CSMD1: variants seen among roughly 807,000 people sequenced by gnomAD.
CSMD1 encodes CUB and sushi domain-containing protein 1.
A neutral mutation model predicts 417.5 loss-of-function variants in CSMD1; 213 were observed. That is an observed-to-expected ratio of 0.51 (90% CI 0.46 to 0.57). CSMD1 has a LOEUF of 0.57. Among genes scored for constraint, CSMD1 ranks in the 20% least tolerant of loss-of-function variants. The pLI is 0.00. For missense variants in CSMD1, 6,923 were observed against 4,529.7 expected (o/e 1.53, Z -15.17); for synonymous variants, 2,862 against 1,736.8 (o/e 1.65, Z -16.11).
intron 39 of CSMD1, among the ~76,000 whole-genome samples, chr8:3,154,551 G>A (rs889452018): frequency 6.6e-6 from 1 of 152,090 alleles, no homozygotes; most frequent in African/African-American, 2.4e-5. Flanking sequence ...TTTGGCGGGA[G>A]AAAGAATATA....
intron 3 of CSMD1, among the ~76,000 whole-genome samples, chr8:4,193,990 C>T (rs1186294512): frequency 2.6e-5 from 4 of 151,984 alleles, no homozygotes; most frequent in African/African-American, 7.3e-5. Flanking sequence ...TCTATGATTA[C>T]TATATATCCC....
intron 3 of CSMD1, among the ~76,000 whole-genome samples, chr8:4,136,411 A>G (rs764861912): frequency 6.6e-5 from 10 of 152,166 alleles, no homozygotes; most frequent in Non-Finnish European, 1.0e-4. Flanking sequence ...CTTGAAATAA[A>G]TAACATAAAA....
At chr8:3,647,230 C>A (rs1203250002) in intron 7 of CSMD1, among the ~76,000 whole-genome samples, 1 of 152,170 alleles carries the variant, frequency 6.6e-6, no homozygotes, top group Admixed American at 6.5e-5. Context: ...TGCTGTGAAA[C>A]TTCAGCAAGG....
At chr8:3,857,074 A>T (rs1476419865) in intron 5 of CSMD1, among the ~76,000 whole-genome samples, 3 of 152,170 alleles carry the variant, frequency 2.0e-5, no homozygotes, top group Non-Finnish European at 4.4e-5. Context: ...CTTCAGGAAA[A>T]AAAAAATTAA....
At chr8:4,489,522 T>C (rs1039760524) in intron 2 of CSMD1, among the ~76,000 whole-genome samples, 17 of 152,286 alleles carry the variant, frequency 1.1e-4, no homozygotes, top group African/African-American at 4.1e-4. Context: ...ATGTAAAGAA[T>C]TACTCTCAAT....
intron 5 of CSMD1, among the ~76,000 whole-genome samples, chr8:3,768,265 A>G (rs760835022): frequency 3.3e-5 from 5 of 152,194 alleles, no homozygotes; most frequent in Admixed American, 6.5e-5. Context: ...TCCCGGGCCA[A>G]GTGAATATCA....
intron 1 of CSMD1, among the ~76,000 whole-genome samples, chr8:4,706,601 G>C (rs571946386): frequency 2.6e-5 from 4 of 152,314 alleles, no homozygotes; most frequent in Middle Eastern, 6.8e-3. Context: ...CAACTATTTA[G>C]GAAGTGTCTA....
At chr8:4,912,255 C>G (rs1370077364) in intron 1 of CSMD1, among the ~76,000 whole-genome samples, 1 of 151,812 alleles carries the variant, frequency 6.6e-6, no homozygotes, top group African/African-American at 2.4e-5. Flanking sequence ...AAATTATTGG[C>G]AAGAACATGC....
At chr8:4,003,903 C>G (rs1053426717) in intron 4 of CSMD1, among the ~76,000 whole-genome samples, 6 of 151,444 alleles carry the variant, frequency 4.0e-5, no homozygotes, top group African/African-American at 1.5e-4. Flanking sequence ...TCTTTCACAG[C>G]TACCAAAAGA....
At chr8:4,089,894 C>G (rs1275350351) in intron 3 of CSMD1, among the ~76,000 whole-genome samples, 3 of 151,984 alleles carry the variant, frequency 2.0e-5, no homozygotes, top group South Asian at 2.1e-4. Flanking sequence ...GCTGTGGGGT[C>G]AGGGACCTGA....
At chr8:4,327,696 T>C (rs1403339854) in intron 3 of CSMD1, among the ~76,000 whole-genome samples, 1 of 152,148 alleles carries the variant, frequency 6.6e-6, no homozygotes, top group Non-Finnish European at 1.5e-5. Flanking sequence ...TGTTTACACA[T>C]AGGTATTAGA....
intron 52 of CSMD1, among the ~76,000 whole-genome samples, chr8:3,015,679 C>T (rs974316757): frequency 1.3e-5 from 2 of 151,856 alleles, no homozygotes; most frequent in Non-Finnish European, 2.9e-5. Flanking sequence ...TCTCGTTTAC[C>T]CCGGCATGGT....
intron 6 of CSMD1, among the ~76,000 whole-genome samples, chr8:3,727,564 C>T (rs1245941439): frequency 6.6e-6 from 1 of 152,074 alleles, no homozygotes; most frequent in Non-Finnish European, 1.5e-5. Flanking sequence ...GGAAGTTCCT[C>T]GAAAAAATAC....
chr8:4,677,147 T>C (rs562793865), intron 1 of CSMD1, among the ~76,000 whole-genome samples: 1 of 148,406 alleles, frequency 6.7e-6, no homozygotes, highest in African/African-American at 2.4e-5. Flanking sequence ...AAATAATATA[T>C]ACATTATATC....
At chr8:4,468,436 C>A (rs1154072) in intron 2 of CSMD1, among the ~76,000 whole-genome samples, 1 of 152,124 alleles carries the variant, frequency 6.6e-6, no homozygotes, top group South Asian at 2.1e-4. Flanking sequence ...TGATGAGACT[C>A]AGGCCAAAAC....
At chr8:4,873,019 T>C (rs952461944) in intron 1 of CSMD1, among the ~76,000 whole-genome samples, 2 of 152,106 alleles carry the variant, frequency 1.3e-5, no homozygotes, top group African/African-American at 4.8e-5. Flanking sequence ...TATGCAAGCA[T>C]TGTGAAATGG....
At chr8:4,041,159 G>C (rs1393577313) in intron 3 of CSMD1, among the ~76,000 whole-genome samples, 3 of 151,626 alleles carry the variant, frequency 2.0e-5, no homozygotes, top group Non-Finnish European at 4.4e-5. Flanking sequence ...TGGGACTACA[G>C]GCGCCCGCCA....
At chr8:3,980,939 G>C (rs1298743387) in intron 5 of CSMD1, among the ~76,000 whole-genome samples, 1 of 152,184 alleles carries the variant, frequency 6.6e-6, no homozygotes, top group Non-Finnish European at 1.5e-5. Context: ...GCCGTTCCCA[G>C]TGGTTTTCCC....
At chr8:3,378,465 A>C (rs1019947576) in intron 18 of CSMD1, among the ~76,000 whole-genome samples, 2 of 152,194 alleles carry the variant, frequency 1.3e-5, no homozygotes, top group Admixed American at 1.3e-4. Context: ...TTTCAGGCCA[A>C]TATCCCTGAA....
Sources: gnomAD v4.1 joint callset for allele counts (sites outside exome capture counted in the v4.1 genomes callset) on GRCh38, gnomAD v4.1.1 for gene constraint, MANE v1.5 for transcripts, NCBI Gene and HGNC (gene_info 2026-07-23, HGNC 2026-07-21) for gene names.